RABGAP1L: variants seen among roughly 807,000 people sequenced by gnomAD.
The protein encoded by RABGAP1L is RAB GTPase activating protein 1 like.
RABGAP1L carries 63 observed loss-of-function variants against 137.7 expected under a neutral mutation model. That is an observed-to-expected ratio of 0.46 (90% CI 0.37 to 0.56). The LOEUF (loss-of-function observed/expected upper bound fraction) is 0.56. Among genes scored for constraint, RABGAP1L ranks in the 20% least tolerant of loss-of-function variants. The pLI is 0.00. For missense variants in RABGAP1L, 1,095 were observed against 1,244.0 expected, an observed-to-expected ratio of 0.88 and a Z score of 1.80; for synonymous variants, 431 against 433.7, an observed-to-expected ratio of 0.99 and a Z score of 0.08.
intron 1 of RABGAP1L, among the ~76,000 whole-genome samples, chr1:174,212,322 TGTG>T (rs1206739575): frequency 9.2e-5 from 14 of 152,070 alleles, no homozygotes; most frequent in South Asian, 2.1e-4. Context: ...CAAAAGTAAT[TGTG>T]GTCTTTGCCG....
chr1:174,958,876 T>C (rs941831571), intron 20 of RABGAP1L, among the ~76,000 whole-genome samples: 1 of 152,232 alleles, frequency 6.6e-6, no homozygotes, highest in African/African-American at 2.4e-5. Context: ...ATATAGTGTT[T>C]CTGATTCCTT....
chr1:174,727,992 C>A (rs1682133810), intron 17 of RABGAP1L, among the ~76,000 whole-genome samples: 1 of 152,158 alleles, frequency 6.6e-6, no homozygotes, highest in African/African-American at 2.4e-5. Flanking sequence ...TTACTCTCAG[C>A]ACTAAATTTT....
At chr1:174,613,217 C>A (rs1671443896) in intron 13 of RABGAP1L, among the ~76,000 whole-genome samples, 1 of 151,914 alleles carries the variant, frequency 6.6e-6, no homozygotes, top group Admixed American at 6.6e-5. Flanking sequence ...TCCCTCTACA[C>A]AGTGCTTTGA....
intron 1 of RABGAP1L, among the ~76,000 whole-genome samples, chr1:174,198,787 C>T (rs966608588): frequency 2.0e-5 from 3 of 152,108 alleles, no homozygotes; most frequent in Admixed American, 6.5e-5. Context: ...GCTTGTGAGG[C>T]GCCCCCTCCA....
intron 19 of RABGAP1L, among the ~76,000 whole-genome samples, chr1:174,936,971 A>AT (rs909397955): frequency 0.011 from 1,089 of 101,380 alleles, 17 homozygotes; most frequent in East Asian, 0.027. Context: ...TATAAGATTA[A>AT]TTTTTTTTTT....
chr1:174,734,217 G>C (rs928784156), intron 17 of RABGAP1L, among the ~76,000 whole-genome samples: 8 of 152,148 alleles, frequency 5.3e-5, no homozygotes, highest in African/African-American at 1.9e-4. Context: ...AGAGGAGATA[G>C]TGAGGCTAAA....
At chr1:174,929,996 A>AC (rs1423282308) in intron 19 of RABGAP1L, among the ~76,000 whole-genome samples, 2 of 150,178 alleles carry the variant, frequency 1.3e-5, no homozygotes, top group African/African-American at 4.9e-5. Context: ...GACTACAGAC[A>AC]AGTGCCACCA....
chr1:174,437,575 GACC>G (rs1457470901), intron 13 of RABGAP1L, among the ~76,000 whole-genome samples: 2 of 152,188 alleles, frequency 1.3e-5, no homozygotes, highest in African/African-American at 4.8e-5. Flanking sequence ...TATGTGAGAA[GACC>G]AAACCTACGT....
At chr1:174,893,030 G>C (rs1315531005) in intron 19 of RABGAP1L, 2 of 254,764 alleles carry the variant, frequency 7.9e-6, no homozygotes, top group Non-Finnish European at 1.6e-5. Context: ...ACAGGCATGA[G>C]CCACCACGCC....
intron 1 of RABGAP1L, among the ~76,000 whole-genome samples, chr1:174,161,131 T>C (rs752238039): frequency 1.6e-4 from 25 of 152,106 alleles, no homozygotes; most frequent in Non-Finnish European, 3.4e-4. Flanking sequence ...TGCGCTGATA[T>C]TATGTATTAT....
intron 13 of RABGAP1L, among the ~76,000 whole-genome samples, chr1:174,566,761 A>G (rs1225657985): frequency 6.6e-6 from 1 of 152,140 alleles, no homozygotes; most frequent in Non-Finnish European, 1.5e-5. Context: ...TGATGGCACT[A>G]TTGATCATGT....
At chr1:174,536,860 A>G (rs1664933287) in intron 13 of RABGAP1L, among the ~76,000 whole-genome samples, 1 of 152,156 alleles carries the variant, frequency 6.6e-6, no homozygotes, top group Admixed American at 6.5e-5. Flanking sequence ...TTTTCCTTTT[A>G]ATAGAGAAAA....
intron 10 of RABGAP1L, among the ~76,000 whole-genome samples, chr1:174,290,851 T>C (rs1676530962): frequency 6.6e-6 from 1 of 151,436 alleles, no homozygotes; most frequent in African/African-American, 2.4e-5. Flanking sequence ...AGCCTCTGCC[T>C]CCTGGTTTCA....
chr1:174,226,266 C>G (rs988469546), intron 3 of RABGAP1L, among the ~76,000 whole-genome samples: 1 of 152,128 alleles, frequency 6.6e-6, no homozygotes, highest in Non-Finnish European at 1.5e-5. Context: ...TTCCTATTTA[C>G]TTTTTAAAAG....
intron 18 of RABGAP1L, among the ~76,000 whole-genome samples, chr1:174,796,307 AATGTTCTGTG>A (rs908683046): frequency 2.0e-5 from 3 of 152,162 alleles, no homozygotes; most frequent in African/African-American, 4.8e-5. Flanking sequence ...TCAAAAGAAG[AATGTTCTGTG>A]ATTGTTCTGT....
rs1225902793 is a variant in RABGAP1L at position 174,278,792 on chromosome 1, TG to T, written c.1323+14del. On this transcript the variant is annotated intron_variant, in intron 10 of 25. Coordinates refer to ENST00000681986, the MANE Select transcript of RABGAP1L (RefSeq NM_001366446.1). ...GAGATTGAAACAGGTAGGACCTTTTTGTTCTCTTCATATATAGTAACAAACA... is the reference window on the plus strand; with the variant it reads ...GAGATTGAAACAGGTAGGACCTTTTTTTCTCTTCATATATAGTAACAAACA... 2 of 1,504,530 alleles carry T rather than the reference TG, an allele frequency of 1.3e-6. No homozygotes were observed. Among genetic ancestry groups the T allele is most frequent in the Middle Eastern group, 1.8e-4 (1 of 5,604 alleles). 93.2% of individuals were successfully genotyped at this position (1,504,530 alleles called of 1,614,324 possible).
At chr1:174,347,117 C>G (rs911932204) in intron 11 of RABGAP1L, among the ~76,000 whole-genome samples, 1 of 151,778 alleles carries the variant, frequency 6.6e-6, no homozygotes, top group East Asian at 1.9e-4. Context: ...AAATTTAATA[C>G]TTTTTTTTGG....
At chr1:174,684,353 G>C (rs1326072438) in intron 15 of RABGAP1L, among the ~76,000 whole-genome samples, 1 of 152,038 alleles carries the variant, frequency 6.6e-6, no homozygotes, top group Non-Finnish European at 1.5e-5. Flanking sequence ...GAAAGGGAGG[G>C]GGTAAAGAAT....
intron 4 of RABGAP1L, among the ~76,000 whole-genome samples, chr1:174,233,109 G>C (rs1670825031): frequency 6.6e-6 from 1 of 151,966 alleles, no homozygotes; most frequent in Non-Finnish European, 1.5e-5. Context: ...GAGCTCTCTG[G>C]GGTTTCTTTT....
Sources: allele counts gnomAD v4.1 joint callset (sites outside exome capture counted in the v4.1 genomes callset), GRCh38; gene constraint gnomAD v4.1.1; transcripts MANE v1.5; gene names NCBI Gene and HGNC (gene_info 2026-07-23, HGNC 2026-07-21).